The following ANKRD27 variants were observed in gnomAD, a reference collection of about 807,000 sequenced individuals.
ANKRD27 encodes ankyrin repeat domain-containing protein 27.
ANKRD27 carries 112 observed loss-of-function variants against 129.7 expected under a neutral mutation model. The observed-to-expected ratio is 0.86, with a 90% CI of 0.74 to 1.01. ANKRD27 has a LOEUF of 1.01. Among genes scored for constraint, ANKRD27 ranks in the 50% least tolerant of loss-of-function variants. The pLI is 0.00. For synonymous variants in ANKRD27, 516 were observed against 511.2 expected, an observed-to-expected ratio of 1.01 and a Z score of -0.13; for missense variants, 1,258 against 1,300.5, an observed-to-expected ratio of 0.97 and a Z score of 0.50.
chr19:32,613,039 A>G (rs34270210), intron 22 of ANKRD27, among the ~76,000 whole-genome samples: 88,390 of 151,614 alleles, frequency 0.58, 26,853 homozygotes, highest in Non-Finnish European at 0.69. Context: ...GCACGTATCT[A>G]ACAAATATCC....
At chr19:32,649,187 G>A (rs967705033) in intron 3 of ANKRD27, among the ~76,000 whole-genome samples, 4 of 151,960 alleles carry the variant, frequency 2.6e-5, no homozygotes, top group African/African-American at 7.3e-5. Context: ...TTTCCAGGCT[G>A]GTCTCAAACT....
chr19:32,646,446 T>A lies in ANKRD27; in HGVS notation c.370+13A>T. On this transcript the variant is annotated intron_variant, in intron 4 of 28. Coordinates refer to ENST00000306065, the MANE Select transcript of ANKRD27 (RefSeq NM_032139.3). ...TCTAAAACAGGAGAAAAAGGTTTTT[T>A]CTCCCAGAATACCTGAACTCTCTCT... 28 of 1,586,536 alleles carry A rather than the reference T, an allele frequency of 1.8e-5. No homozygotes were observed. Among genetic ancestry groups the A allele is most frequent in the Non-Finnish European group, 2.4e-5 (28 of 1,169,306 alleles).
chr19:32,615,619 T>C, intron 22 of ANKRD27, 39 bp downstream of exon 22: 2 of 1,613,936 alleles, frequency 1.2e-6, no homozygotes, highest in African/African-American at 1.3e-5. Flanking sequence ...AAAAATTGCC[T>C]ACATTCCCTG....
chr19:32,607,581 G>T, intron 23 of ANKRD27, 54 bp downstream of exon 23: 2 of 1,574,806 alleles, frequency 1.3e-6, no homozygotes, highest in Non-Finnish European at 1.7e-6. Context: ...CAAGCACAAG[G>T]TCCTAGCCCA....
intron 13 of ANKRD27, among the ~76,000 whole-genome samples, chr19:32,629,081 T>C (rs1430279120): frequency 6.6e-6 from 1 of 152,124 alleles, no homozygotes; most frequent in African/African-American, 2.4e-5. Context: ...CCACCACACC[T>C]GGCTAATTTT....
At position 32,660,674 on chromosome 19, in the gene ANKRD27, A is replaced by G. The variant is rs201982396; in HGVS notation, c.-30-1629T>C. On this transcript the variant is annotated intron_variant, in intron 1 of 28. Transcript: ENST00000306065. Reference sequence around the variant, plus strand: ...ACTTCCCAGCCTCCAGAACTGTGAGAAACACATTTCTGTCATTTTCAAGCC... The same window carrying G: ...ACTTCCCAGCCTCCAGAACTGTGAGGAACACATTTCTGTCATTTTCAAGCC... 7.2e-5 allele frequency among the ~76,000 whole-genome samples: 11 copies of G among 152,272 alleles called. No individual in the cohort carries two copies. The East Asian group carries it at 1.7e-3, about 24-fold the overall frequency.
chr19:32,631,577 C>A lies in ANKRD27; in HGVS notation c.1117-83G>T, dbSNP rs1966993566. The A allele has an allele frequency of 4.6e-6, 5 of 1,088,396 alleles. No individual in the cohort carries two copies. The African/African-American group carries it at 7.7e-5, about 17-fold the overall frequency. The allele number at this position is 1,088,396 out of a possible 1,614,324, so 67.4% of individuals were successfully genotyped here. ...GCACCTCAGCAACAACCCCGGCTGT[C>A]TCTTCAGAGCAGTATCGGCTGCGCC... is the stretch of plus-strand genomic sequence containing the variant. On this transcript the variant is annotated intron_variant, in intron 12 of 28. Transcript: ENST00000306065.
In ANKRD27 at chr19:32,619,357, C is replaced by A. The variant is rs201500413; in HGVS notation, c.1910G>T (p.Arg637Leu). ...SSEAPVQSPQ[R>L]SVDSISQESS... ...CTCTTGGCTGATGGAGTCCACGGAGCGCTGCGGGGACTGCACAGGGGCCTG... is the reference window on the plus strand; with the variant it reads ...CTCTTGGCTGATGGAGTCCACGGAGAGCTGCGGGGACTGCACAGGGGCCTG... Residue 637 changes from arginine to leucine, a missense_variant, in exon 20 of 29, where the codon CGC becomes CTC. Physicochemically the swap from Arg to Leu is moderately radical, Grantham distance 102. Transcript: ENST00000306065. The A allele has an allele frequency of 2.3e-5, 37 of 1,613,612 alleles. No individual in the cohort carries two copies. Among genetic ancestry groups the A allele is most frequent in the Middle Eastern group, 1.6e-4 (1 of 6,062 alleles).
chr19:32,669,287 A>T (rs1309871533), intron 1 of ANKRD27, among the ~76,000 whole-genome samples: 1 of 152,184 alleles, frequency 6.6e-6, no homozygotes, highest in Non-Finnish European at 1.5e-5. Flanking sequence ...AGACTAACAT[A>T]AAAATGGTCG....
chr19:32,645,140 G>A (rs963762555), intron 4 of ANKRD27, among the ~76,000 whole-genome samples: 1 of 152,130 alleles, frequency 6.6e-6, no homozygotes, highest in African/African-American at 2.4e-5. Context: ...TTGGCCGGGC[G>A]CAGCGGCTCA....
At chr19:32,603,587 G>A (rs994824044) in intron 25 of ANKRD27, among the ~76,000 whole-genome samples, 1 of 152,172 alleles carries the variant, frequency 6.6e-6, no homozygotes, top group African/African-American at 2.4e-5. Context: ...CACCCAGGCT[G>A]GAGTGCAGTG....
At chr19:32,631,610 C>T (rs1392496225) in intron 12 of ANKRD27, 116 bp from the exon 13 acceptor site, 6 of 789,958 alleles carry the variant, frequency 7.6e-6, no homozygotes, top group Non-Finnish European at 1.3e-5. Flanking sequence ...GCCTCTCTCC[C>T]GTCTCATATG....
At chr19:32,663,322 C>G (rs981475847) in intron 1 of ANKRD27, among the ~76,000 whole-genome samples, 2 of 152,142 alleles carry the variant, frequency 1.3e-5, no homozygotes, top group African/African-American at 4.8e-5. Context: ...ACTCACACAA[C>G]GTAGGAAGTA....
chr19:32,608,905 C>T (rs1056459495), intron 22 of ANKRD27, among the ~76,000 whole-genome samples: 3 of 152,096 alleles, frequency 2.0e-5, no homozygotes, highest in Non-Finnish European at 2.9e-5. Context: ...TGCAGTGAGC[C>T]AAGATCACAC....
chr19:32,602,731 T>TA (rs921539313), intron 25 of ANKRD27, among the ~76,000 whole-genome samples: 1 of 150,724 alleles, frequency 6.6e-6, no homozygotes, highest in Non-Finnish European at 1.5e-5. Flanking sequence ...CTGTCTCTAT[T>TA]AAAAAAAAAT....
In ANKRD27 at chr19:32,630,977, GCA is replaced by G. The variant is rs1966981763; in HGVS notation, c.1209+423_1209+424del. 2.6e-5 allele frequency among the ~76,000 whole-genome samples: 4 copies of G among 151,746 alleles called. No individual in the cohort carries two copies. In the South Asian group the frequency reaches 8.3e-4, roughly 32 times the overall value. On this transcript the variant is annotated intron_variant, in intron 13 of 28. Coordinates refer to ENST00000306065, the MANE Select transcript of ANKRD27 (RefSeq NM_032139.3). Reference sequence around the variant, plus strand: ...TCAGCATTCCTACTGCCCATTCTGAGCACAGAATGGAACTTCAGGGTTTATGC... The same window carrying G: ...TCAGCATTCCTACTGCCCATTCTGAGCAGAATGGAACTTCAGGGTTTATGC...
chr19:32,646,683 C>T, intron 3 of ANKRD27, 68 bp from the exon 4 acceptor site: 1 of 1,543,530 alleles, frequency 6.5e-7, no homozygotes, highest in South Asian at 1.2e-5. Flanking sequence ...AGCCTGGCCC[C>T]CGATGCAGCA....
At chr19:32,647,629 C>T (rs756053655) in intron 3 of ANKRD27, among the ~76,000 whole-genome samples, 2 of 152,230 alleles carry the variant, frequency 1.3e-5, no homozygotes, top group African/African-American at 4.8e-5. Flanking sequence ...GTCAGTGCAT[C>T]TGCTCTGCCC....
chr19:32,652,575 C>T (rs1967438692), intron 2 of ANKRD27, among the ~76,000 whole-genome samples: 1 of 150,918 alleles, frequency 6.6e-6, no homozygotes, highest in Admixed American at 6.6e-5. Flanking sequence ...AACTCCATCC[C>T]GGGGGTAGGG....
Sources: gnomAD v4.1 joint callset for allele counts (sites outside exome capture counted in the v4.1 genomes callset) on GRCh38, gnomAD v4.1.1 for gene constraint, MANE v1.5 for transcripts, NCBI Gene and HGNC (gene_info 2026-07-23, HGNC 2026-07-21) for gene names.